Variants in LMTK2 observed in about 807,000 individuals in gnomAD.
LMTK2 encodes serine/threonine-protein kinase LMTK2.
A neutral mutation model predicts 127.5 loss-of-function variants in LMTK2; 37 were observed. The observed-to-expected ratio is 0.29, with a 90% CI of 0.22 to 0.38. The LOEUF (loss-of-function observed/expected upper bound fraction) is 0.38. LMTK2 is among the 10% of genes least tolerant of loss of function. The pLI is 1.00. For missense variants in LMTK2, 1,694 were observed against 1,920.3 expected (o/e 0.88, Z 2.20); for synonymous variants, 819 against 810.1 (o/e 1.01, Z -0.19).
At chr7:98,135,317 T>A (rs55722207) in intron 1 of LMTK2, among the ~76,000 whole-genome samples, 1 of 152,100 alleles carries the variant, frequency 6.6e-6, no homozygotes, top group Admixed American at 6.5e-5. Context: ...TTTTATTTTT[T>A]ATTTTTATTT....
At position 98,171,656 on chromosome 7, in the gene LMTK2, A is replaced by G. The variant is rs766978842; in HGVS notation, c.773A>G (p.Lys258Arg). The change falls in exon 7 of 14, where the codon AAG becomes AGG. Residue 258 changes from lysine to arginine, a missense_variant. By Grantham distance (26) the Lys-to-Arg change is conservative (BLOSUM62 2). Coordinates refer to ENST00000297293, the MANE Select transcript of LMTK2 (RefSeq NM_014916.4). The surrounding 1 kb of genome is among the most constrained non-coding windows in gnomAD (Gnocchi z 5.1). ...EVAAGLAAMHKLHFLHSDLAL... is the reference protein window; with the variant it reads ...EVAAGLAAMHRLHFLHSDLAL... The stretch of plus-strand genomic sequence containing the variant: ...GCCGCGGGGCTGGCCGCCATGCACA[A>G]GCTGCACTTCCTGCACAGGTGGGTA... 4 of 1,595,116 alleles carry G rather than the reference A, an allele frequency of 2.5e-6. No individual in the cohort carries two copies. Among genetic ancestry groups the G allele is most frequent in the Non-Finnish European group, 1.7e-6 (2 of 1,170,910 alleles).
chr7:98,178,433 C>T (rs905240527), intron 7 of LMTK2, among the ~76,000 whole-genome samples: 7 of 152,154 alleles, frequency 4.6e-5, no homozygotes, highest in African/African-American at 9.7e-5. Flanking sequence ...TTCTGTCGAT[C>T]GCTCTGCTCA....
chr7:98,195,772 C>T (rs1361031725), intron 11 of LMTK2, among the ~76,000 whole-genome samples: 1 of 152,220 alleles, frequency 6.6e-6, no homozygotes, highest in Non-Finnish European at 1.5e-5. Flanking sequence ...GTCTGTTGAA[C>T]GTCACTTTAT....
intron 9 of LMTK2, among the ~76,000 whole-genome samples, chr7:98,187,732 T>C (rs1283983595): frequency 6.6e-6 from 1 of 151,998 alleles, no homozygotes; most frequent in Admixed American, 6.6e-5. Flanking sequence ...TGCCTCAGCC[T>C]CCCGAGTAAT....
chr7:98,178,991 T>C (rs993628251), intron 7 of LMTK2, among the ~76,000 whole-genome samples: 10 of 152,140 alleles, frequency 6.6e-5, no homozygotes, highest in African/African-American at 2.2e-4. Context: ...CACTGCATTG[T>C]GGAGCCTGGG....
chr7:98,139,479 A>G (rs1467064152), intron 2 of LMTK2, among the ~76,000 whole-genome samples: 2 of 152,188 alleles, frequency 1.3e-5, no homozygotes, highest in Non-Finnish European at 2.9e-5. Flanking sequence ...TGGTATATCT[A>G]GTGGTACATC....
chr7:98,134,774 G>T (rs1796576051), intron 1 of LMTK2, among the ~76,000 whole-genome samples: 1 of 152,302 alleles, frequency 6.6e-6, no homozygotes, highest in South Asian at 2.1e-4. Context: ...GTCTTCATAA[G>T]AATTGGCTCT....
At chr7:98,184,953 C>T in intron 7 of LMTK2, 98 bp from the exon 8 acceptor site, 3 of 833,912 alleles carry the variant, frequency 3.6e-6, no homozygotes, top group Non-Finnish European at 6.1e-6. Context: ...AATATACTTA[C>T]TCGGATCCCG....
At chr7:98,127,000 C>T (rs1796454064) in intron 1 of LMTK2, among the ~76,000 whole-genome samples, 1 of 152,166 alleles carries the variant, frequency 6.6e-6, no homozygotes, top group African/African-American at 2.4e-5. Flanking sequence ...TATTTACTGC[C>T]ACGCTTCATT....
chr7:98,187,824 T>C (rs1451702490), intron 9 of LMTK2, among the ~76,000 whole-genome samples: 2 of 152,104 alleles, frequency 1.3e-5, no homozygotes, highest in African/African-American at 2.4e-5. Context: ...CTCGAACTCC[T>C]GAACTCAAGT....
intron 1 of LMTK2, among the ~76,000 whole-genome samples, chr7:98,112,292 G>T (rs760018636): frequency 3.7e-4 from 57 of 152,104 alleles, no homozygotes; most frequent in African/African-American, 5.3e-4. Context: ...CCAACTCCTG[G>T]CCTCAAGAGA....
At chr7:98,151,778 G>T (rs140813488) in intron 4 of LMTK2, among the ~76,000 whole-genome samples, 2 of 152,198 alleles carry the variant, frequency 1.3e-5, no homozygotes, top group Non-Finnish European at 2.9e-5. Flanking sequence ...GGCTGAATCC[G>T]GATCAGGTGA....
chr7:98,186,341 G>A (rs148283840), intron 8 of LMTK2, among the ~76,000 whole-genome samples: 1,784 of 152,136 alleles, frequency 0.012, 40 homozygotes, highest in African/African-American at 0.041. Flanking sequence ...GATTGCAGGC[G>A]TGAGCCACCG....
chr7:98,203,492 C>T (rs978124372), intron 11 of LMTK2, 82 bp from the exon 12 acceptor site: 10 of 1,480,340 alleles, frequency 6.8e-6, no homozygotes, highest in Non-Finnish European at 8.1e-6. Flanking sequence ...GAGTCTGATG[C>T]GCCTGCCAGT....
chr7:98,191,766 ACAG>A lies in LMTK2; in HGVS notation c.1305_1307del (p.Ser435del). The A allele has an allele frequency of 6.2e-7, 1 of 1,614,080 alleles. No homozygotes were observed. The highest frequency in any genetic ancestry group is 1.1e-5 in the South Asian group (1 of 91,070). ...TGGAACGCTCTGAAGCCGAACACAA[ACAG>A]CAGAGACTCCTCCAACAATGCTGCA... is the stretch of plus-strand genomic sequence containing the variant. On this transcript the variant is annotated inframe_deletion, in exon 11 of 14. Coordinates refer to ENST00000297293, the MANE Select transcript of LMTK2 (RefSeq NM_014916.4).
At position 98,192,854 on chromosome 7, in the gene LMTK2, A is replaced by G. The variant is rs1221183135; in HGVS notation, c.2389A>G (p.Met797Val). ...CACAAAGGGTGACGATACAGATGTC[A>G]TGCTCACAGGTGACACTTTGAGCAC... ...VSTKGDDTDV[M>V]LTGDTLSTSL... The change falls in exon 11 of 14, where the codon ATG (methionine) becomes GTG (valine). Residue 797 changes from methionine to valine, a missense_variant. By Grantham distance (21) the Met-to-Val change is conservative. Around this residue, in one of 8 missense-constraint regions of LMTK2, gnomAD observed 527 missense variants for 539.8 expected, o/e 0.98. Transcript: ENST00000297293. The G allele has an allele frequency of 6.2e-7, 1 of 1,614,096 alleles. No individual in the cohort carries two copies. Among genetic ancestry groups the G allele is most frequent in the Non-Finnish European group, 8.5e-7 (1 of 1,179,956 alleles).
intron 11 of LMTK2, among the ~76,000 whole-genome samples, chr7:98,195,137 CCT>C (rs1797607590): frequency 1.3e-5 from 2 of 152,246 alleles, no homozygotes; most frequent in Admixed American, 6.5e-5. Flanking sequence ...CCCACCTCAG[CCT>C]CTCAAAGTTT....
chr7:98,165,759 A>G (rs1017333292), intron 6 of LMTK2, among the ~76,000 whole-genome samples: 1 of 152,082 alleles, frequency 6.6e-6, no homozygotes, highest in Non-Finnish European at 1.5e-5. Context: ...CAGTTCAGCA[A>G]TTTCTCCTCA....
chr7:98,119,586 T>C (rs559940934), intron 1 of LMTK2, among the ~76,000 whole-genome samples: 1 of 152,334 alleles, frequency 6.6e-6, no homozygotes, highest in Admixed American at 6.5e-5. Context: ...ACGAATATCA[T>C]GTATAAATAT....
Sources: allele counts gnomAD v4.1 joint callset (sites outside exome capture counted in the v4.1 genomes callset), GRCh38; gene constraint gnomAD v4.1.1; regional missense constraint gnomAD v4.1.1; non-coding constraint Gnocchi (gnomAD v3.1); transcripts MANE v1.5; gene names NCBI Gene and HGNC (gene_info 2026-07-23, HGNC 2026-07-21).